Variants in LRP2 observed in about 807,000 individuals in gnomAD.
LRP2 encodes the protein low-density lipoprotein receptor-related protein 2.
A neutral mutation model predicts 531.0 loss-of-function variants in LRP2; 172 were observed. That is an observed-to-expected ratio of 0.32 (90% CI 0.29 to 0.37). The LOEUF is 0.37. Ranked by LOEUF, LRP2 falls within the 10% of genes least tolerant of loss-of-function variation. The pLI is 1.00. For synonymous variants in LRP2, 1,992 were observed against 2,027.6 expected, an observed-to-expected ratio of 0.98 and a Z score of 0.47; for missense variants, 5,167 against 5,868.3, an observed-to-expected ratio of 0.88 and a Z score of 3.90.
Position 169,206,722 on chromosome 2 carries a change from AC to A in LRP2, c.6997del (p.Val2333SerfsTer66). The A allele has an allele frequency of 6.2e-7, 1 of 1,614,118 alleles. No individual in the cohort carries two copies. Among genetic ancestry groups the A allele is most frequent in the Admixed American group, 1.7e-5 (1 of 60,004 alleles). ...LRDVTIFDKQ[V>X]QPRSPAEVNN... ...GACCTCTGCTGGTGACCGGGGCTGG[AC>A]TTGCTTGTCAAAGATGGTCACATCT... On this transcript the variant is annotated frameshift_variant, in exon 39 of 79. Transcript: ENST00000649046. LOFTEE classifies it high-confidence loss of function.
chr2:169,204,323 T>C, intron 41 of LRP2, 52 bp from the exon 42 acceptor site: 1 of 1,566,210 alleles, frequency 6.4e-7, no homozygotes, highest in Non-Finnish European at 8.7e-7. Flanking sequence ...GTGAGTTAAG[T>C]TTTCAACTGG....
intron 28 of LRP2, among the ~76,000 whole-genome samples, chr2:169,236,805 A>G (rs1689622097): frequency 6.6e-6 from 1 of 152,236 alleles, no homozygotes; most frequent in South Asian, 2.1e-4. Context: ...TACTGCATGC[A>G]GTAATTAGAA....
intron 9 of LRP2, among the ~76,000 whole-genome samples, chr2:169,283,564 T>G (rs1033944683): frequency 6.6e-6 from 1 of 152,322 alleles, no homozygotes; most frequent in Non-Finnish European, 1.5e-5. Context: ...AAGTAAGACC[T>G]GCCTATAGAC....
rs1317952948 is a variant in LRP2 at position 169,181,704 on chromosome 2, T to C, written c.9999-86A>G. On this transcript the variant is annotated intron_variant, in intron 51 of 78. Coordinates refer to ENST00000649046, the MANE Select transcript of LRP2 (RefSeq NM_004525.3). ...CACACCTTTTCTCCATTTAGAGAAA[T>C]GGAGTCTGCATTCTGTAGAGCAGAC... 3 of 1,185,628 alleles carry C rather than the reference T, an allele frequency of 2.5e-6. No homozygotes were observed. The African/African-American group carries it at 4.6e-5, about 18-fold the overall frequency. 73.4% of individuals were successfully genotyped at this position (1,185,628 alleles called of 1,614,324 possible).
intron 1 of LRP2, 30 bp from the exon 2 acceptor site, chr2:169,320,914 T>G (rs1301030691): frequency 5.5e-6 from 8 of 1,457,072 alleles, no homozygotes; most frequent in East Asian, 2.3e-5. Context: ...TTTTAAAAAC[T>G]TATGCCATGC....
At chr2:169,156,145 G>C (rs1686322466) in intron 65 of LRP2, 129 bp downstream of exon 65, 2 of 1,248,448 alleles carry the variant, frequency 1.6e-6, no homozygotes, top group African/African-American at 1.5e-5. Flanking sequence ...AAGAGAAGCA[G>C]CTGGCGAGTT....
chr2:169,261,426 A>G (rs1433332904), intron 16 of LRP2, among the ~76,000 whole-genome samples: 1 of 151,830 alleles, frequency 6.6e-6, no homozygotes. Context: ...CCTGACCTCA[A>G]GTGATCCTCC....
At chr2:169,308,512 C>T (rs995628883) in intron 3 of LRP2, among the ~76,000 whole-genome samples, 17 of 152,188 alleles carry the variant, frequency 1.1e-4, no homozygotes, top group East Asian at 1.9e-4. Context: ...TCAGAATGAT[C>T]GTTTCCAGCT....
chr2:169,291,044 C>T, intron 7 of LRP2, 47 bp from the exon 8 acceptor site: 1 of 1,579,684 alleles, frequency 6.3e-7, no homozygotes, highest in Non-Finnish European at 8.7e-7. Flanking sequence ...GGAGGTACAG[C>T]CAGCTCTTTG....
At chr2:169,193,073 C>T (rs971781453) in intron 47 of LRP2, among the ~76,000 whole-genome samples, 12 of 152,264 alleles carry the variant, frequency 7.9e-5, no homozygotes, top group Non-Finnish European at 1.6e-4. Context: ...CTCCATGCCG[C>T]TTTAAGGTGA....
At chr2:169,141,460 G>A (rs1255396279) in intron 71 of LRP2, among the ~76,000 whole-genome samples, 1 of 152,158 alleles carries the variant, frequency 6.6e-6, no homozygotes, top group Non-Finnish European at 1.5e-5. Flanking sequence ...GTTACCTCCA[G>A]CACTTAGAAC....
chr2:169,289,182 A>C, intron 8 of LRP2, 37 bp from the exon 9 acceptor site: 1 of 1,612,956 alleles, frequency 6.2e-7, no homozygotes. Flanking sequence ...ATGAATGGTG[A>C]CCTCTGGACA....
At chr2:169,338,021 C>G (rs939819762) in intron 1 of LRP2, among the ~76,000 whole-genome samples, 1 of 151,948 alleles carries the variant, frequency 6.6e-6, no homozygotes, top group Non-Finnish European at 1.5e-5. Flanking sequence ...GTGGGAGGAT[C>G]GCTTGCGCCC....
chr2:169,239,878 A>G lies in LRP2; in HGVS notation c.4046-103T>C, dbSNP rs1055531823. 4 of 990,262 alleles carry G rather than the reference A, an allele frequency of 4.0e-6. No homozygotes were observed. The South Asian group carries it at 4.1e-5, about 10-fold the overall frequency. The allele number at this position is 990,262 out of a possible 1,614,324, so 61.3% of individuals were successfully genotyped here. A position where few individuals can be genotyped will look rare whatever the true frequency, so the allele number is the denominator to read the frequency against. ...ATTATGCAGTCTCATGCCACCTTCA[A>G]TATGATGCCCAGACAAGAGCTAAGT... On this transcript the variant is annotated intron_variant, in intron 25 of 78. Coordinates refer to ENST00000649046, the MANE Select transcript of LRP2 (RefSeq NM_004525.3).
At position 169,233,495 on chromosome 2, in the gene LRP2, G is replaced by A. The variant is rs1209576079; in HGVS notation, c.5014C>T (p.His1672Tyr). The A allele has an allele frequency of 6.2e-7, 1 of 1,614,100 alleles. No individual in the cohort carries two copies. The highest frequency in any genetic ancestry group is 1.3e-5 in the African/African-American group (1 of 75,022). Residue 1672 changes from histidine (H) to tyrosine (Y), a missense_variant, in exon 30 of 79, where the codon CAT (histidine) becomes TAT (tyrosine). Coordinates refer to ENST00000649046, the MANE Select transcript of LRP2 (RefSeq NM_004525.3). ...ATTACAACTGACTGGTTCCCTCCAT[G>A]CCACTTGTTGGCTCGCATAACCCGA... Reference protein sequence around the residue: ...TRRVMRANKWHGGNQSVVMYN... With the variant: ...TRRVMRANKWYGGNQSVVMYN...
At chr2:169,173,592 C>T (rs1465797299) in intron 56 of LRP2, among the ~76,000 whole-genome samples, 1 of 152,056 alleles carries the variant, frequency 6.6e-6, no homozygotes, top group African/African-American at 2.4e-5. Flanking sequence ...TGGTTCACAC[C>T]CACCTTCCCT....
chr2:169,325,086 AC>A (rs1056761938), intron 1 of LRP2, among the ~76,000 whole-genome samples: 12 of 151,950 alleles, frequency 7.9e-5, no homozygotes, highest in Non-Finnish European at 1.2e-4. Flanking sequence ...AAAGAAAAAA[AC>A]ATTGAGTCAT....
chr2:169,345,104 C>T (rs10175901), intron 1 of LRP2, among the ~76,000 whole-genome samples: 181 of 152,252 alleles, frequency 1.2e-3, no homozygotes, highest in African/African-American at 4.2e-3. Context: ...AGTTAATTAA[C>T]CACACTGACT....
intron 1 of LRP2, among the ~76,000 whole-genome samples, chr2:169,327,922 A>T (rs866175152): frequency 4.5e-5 from 2 of 44,938 alleles, no homozygotes; most frequent in South Asian, 8.4e-4. Context: ...CGCCCCGTCC[A>T]GGAGGGAGGT....
Sources: allele counts gnomAD v4.1 joint callset (sites outside exome capture counted in the v4.1 genomes callset), GRCh38; gene constraint gnomAD v4.1.1; transcripts MANE v1.5; gene names NCBI Gene and HGNC (gene_info 2026-07-23, HGNC 2026-07-21).